FSTL5: variants seen among roughly 807,000 people sequenced by gnomAD.
FSTL5 encodes follistatin-related protein 5.
A neutral mutation model predicts 89.1 loss-of-function variants in FSTL5; 62 were observed. The ratio of observed to expected loss-of-function variants is 0.70; its 90% CI spans 0.57 to 0.86. FSTL5 has a LOEUF of 0.86. Among genes scored for constraint, FSTL5 ranks in the 40% least tolerant of loss-of-function variants. FSTL5 has a pLI of 0.00. For missense variants in FSTL5, 1,057 were observed against 1,001.6 expected (o/e 1.06, Z -0.75); for synonymous variants, 383 against 346.2 (o/e 1.11, Z -1.18).
intron 7 of FSTL5, among the ~76,000 whole-genome samples, chr4:161,592,052 C>A (rs1733840256): frequency 6.6e-6 from 1 of 151,988 alleles, no homozygotes; most frequent in South Asian, 2.1e-4. Flanking sequence ...AGACAAAACG[C>A]TCAAAACAAA....
intron 3 of FSTL5, 32 bp downstream of exon 3, chr4:162,033,593 A>G (rs1297771428): frequency 4.1e-6 from 5 of 1,205,238 alleles, no homozygotes; most frequent in East Asian, 4.9e-5. Context: ...ATGAACTTAT[A>G]TAATTGTTAT....
At position 161,855,281 on chromosome 4, in the gene FSTL5, G is replaced by C. The variant is rs1731687773; in HGVS notation, c.409+65123C>G. On this transcript the variant is annotated intron_variant, in intron 4 of 15. Coordinates refer to ENST00000306100, the MANE Select transcript of FSTL5 (RefSeq NM_020116.5). ...GGTGTCCTTGGAGAGCTTTCTATCT[G>C]GTACATTCAGAGCTACTCTGTATTC... 2.0e-5 allele frequency among the ~76,000 whole-genome samples: 3 copies of C among 152,088 alleles called. 1 individual carries two copies. In the South Asian group the frequency reaches 6.2e-4, roughly 32 times the overall value.
intron 10 of FSTL5, among the ~76,000 whole-genome samples, chr4:161,529,114 C>A (rs1489710937): frequency 7.0e-6 from 1 of 142,758 alleles, no homozygotes; most frequent in Non-Finnish European, 1.5e-5. Context: ...GTTGTGTAGA[C>A]AATAAAGATG....
chr4:161,822,507 G>C (rs536589951), intron 4 of FSTL5, among the ~76,000 whole-genome samples: 1 of 152,334 alleles, frequency 6.6e-6, no homozygotes, highest in South Asian at 2.1e-4. Context: ...GCTGCAGCTA[G>C]ACCAAGTATA....
intron 2 of FSTL5, among the ~76,000 whole-genome samples, chr4:162,098,073 AAAAT>A (rs1262467906): frequency 6.6e-6 from 1 of 151,988 alleles, no homozygotes; most frequent in East Asian, 1.9e-4. Flanking sequence ...CTGAAGATAA[AAAAT>A]AACCAAAAAA....
chr4:162,117,576 G>A (rs1244326744), intron 1 of FSTL5, among the ~76,000 whole-genome samples: 1 of 152,142 alleles, frequency 6.6e-6, no homozygotes, highest in Non-Finnish European at 1.5e-5. Flanking sequence ...TGTCAGGCAG[G>A]TTTAGTCGAA....
intron 11 of FSTL5, among the ~76,000 whole-genome samples, chr4:161,503,208 G>A (rs4616710): frequency 0.26 from 39,604 of 151,472 alleles, 6,027 homozygotes; most frequent in South Asian, 0.42. Context: ...ATATTTAGCA[G>A]AGTAACTCAC....
At chr4:161,738,569 G>T (rs1739899040) in intron 6 of FSTL5, among the ~76,000 whole-genome samples, 1 of 151,966 alleles carries the variant, frequency 6.6e-6, no homozygotes, top group Non-Finnish European at 1.5e-5. Flanking sequence ...CAGATACCAG[G>T]ATAATTAATA....
intron 6 of FSTL5, among the ~76,000 whole-genome samples, chr4:161,711,180 G>T (rs903959827): frequency 2.6e-5 from 4 of 151,650 alleles, no homozygotes; most frequent in African/African-American, 4.8e-5. Flanking sequence ...GAATGAAGAG[G>T]ATATAAATAA....
In FSTL5 at chr4:161,886,030, A is replaced by T. The variant is rs1029511376; in HGVS notation, c.409+34374T>A. On this transcript the variant is annotated intron_variant, in intron 4 of 15. Coordinates refer to ENST00000306100, the MANE Select transcript of FSTL5 (RefSeq NM_020116.5). ...TCAACAAATCATCAATTATTTGTTA[A>T]AAAAAAATAAAAAGAAGGAAAACAC... Among the ~76,000 whole-genome samples the T allele has an allele frequency of 2.0e-3, 11 of 5,556 alleles. No homozygotes were observed. In the South Asian group the frequency reaches 0.023, roughly 11 times the overall value. 3.6% of individuals were successfully genotyped at this position (5,556 alleles called of 152,430 possible). A position where few individuals can be genotyped will look rare whatever the true frequency, so the allele number is the denominator to read the frequency against.
chr4:161,533,622 A>C (rs1010798817), intron 10 of FSTL5, among the ~76,000 whole-genome samples: 6 of 152,074 alleles, frequency 3.9e-5, no homozygotes, highest in Non-Finnish European at 8.8e-5. Context: ...CAGAAGAATG[A>C]ACAGCCAAAT....
chr4:162,143,785 T>C (rs1219794903), intron 1 of FSTL5, among the ~76,000 whole-genome samples: 1 of 138,552 alleles, frequency 7.2e-6, no homozygotes, highest in South Asian at 2.2e-4. Flanking sequence ...TGACTTTAAA[T>C]ACACACACAC....
At chr4:161,602,951 G>A (rs1016485322) in intron 7 of FSTL5, among the ~76,000 whole-genome samples, 2 of 152,042 alleles carry the variant, frequency 1.3e-5, no homozygotes, top group African/African-American at 4.8e-5. Context: ...AAAGAAAGCT[G>A]GATGTGTACA....
rs1274327664 is a variant in FSTL5, at chr4:161,385,923, C to T, written c.2368G>A (p.Glu790Lys). 4 of 1,613,826 alleles carry T rather than the reference C, an allele frequency of 2.5e-6. No homozygotes were observed. Among genetic ancestry groups the T allele is most frequent in the Admixed American group, 1.7e-5 (1 of 59,966 alleles). ...CTGTTTTTCCGGTTCCAAGGCCATT[C>T]TTCTGCCTTGAGTGGTTCCTTGAGA... Reference protein sequence around the residue: ...KSLKEPLKAEEWPWNRKNRQI... With the variant: ...KSLKEPLKAEKWPWNRKNRQI... Residue 790 changes from glutamate to lysine, a missense_variant, in exon 16 of 16, where the codon GAA becomes AAA. Physicochemically the swap from Glu to Lys is moderately conservative, Grantham distance 56 (BLOSUM62 1). Coordinates refer to ENST00000306100, the MANE Select transcript of FSTL5 (RefSeq NM_020116.5).
intron 3 of FSTL5, among the ~76,000 whole-genome samples, chr4:161,951,254 T>G (rs1189568517): frequency 2.0e-5 from 3 of 152,102 alleles, no homozygotes; most frequent in East Asian, 3.9e-4. Context: ...TTACCCAGTC[T>G]TGGGTATGTC....
At chr4:161,882,509 T>C (rs1185233863) in intron 4 of FSTL5, among the ~76,000 whole-genome samples, 2 of 152,126 alleles carry the variant, frequency 1.3e-5, no homozygotes, top group African/African-American at 4.8e-5. Flanking sequence ...TTTGTTATTT[T>C]ACACATGGTT....
intron 15 of FSTL5, among the ~76,000 whole-genome samples, chr4:161,414,178 G>C (rs1731694116): frequency 6.6e-6 from 1 of 152,048 alleles, no homozygotes; most frequent in South Asian, 2.1e-4. Context: ...TAATGATTAA[G>C]CTAAAAGTAA....
At chr4:161,664,396 C>A (rs1218522737) in intron 6 of FSTL5, among the ~76,000 whole-genome samples, 2 of 152,182 alleles carry the variant, frequency 1.3e-5, no homozygotes, top group African/African-American at 2.4e-5. Context: ...TTTTCTAAAT[C>A]ATCTCTCCCA....
chr4:161,443,771 T>A (rs1410862654), intron 15 of FSTL5, among the ~76,000 whole-genome samples: 1 of 151,722 alleles, frequency 6.6e-6, no homozygotes, highest in African/African-American at 2.4e-5. Flanking sequence ...ATTAAGAGGA[T>A]CTAAATGAGA....
Sources: allele counts gnomAD v4.1 joint callset (sites outside exome capture counted in the v4.1 genomes callset), GRCh38; gene constraint gnomAD v4.1.1; transcripts MANE v1.5; gene names NCBI Gene and HGNC (gene_info 2026-07-23, HGNC 2026-07-21).